Variants in ST6GALNAC3 observed in about 807,000 individuals in gnomAD.
ST6GALNAC3 encodes alpha-N-acetylgalactosaminide alpha-2,6-sialyltransferase 3.
Under a neutral mutation model 32.7 loss-of-function variants are expected in ST6GALNAC3, and 25 were observed. That is an observed-to-expected ratio of 0.76 (90% CI 0.56 to 1.07). The LOEUF (loss-of-function observed/expected upper bound fraction) is 1.07, where lower values mean the gene tolerates loss of function less well. ST6GALNAC3 is among the 50% of genes least tolerant of loss of function. The pLI, the probability that ST6GALNAC3 is intolerant of heterozygous loss-of-function variation, is 0.00. For missense variants in ST6GALNAC3, 355 were observed against 382.4 expected, an observed-to-expected ratio of 0.93 and a Z score of 0.60; for synonymous variants, 129 against 133.1, an observed-to-expected ratio of 0.97 and a Z score of 0.21.
intron 2 of ST6GALNAC3, among the ~76,000 whole-genome samples, chr1:76,407,559 G>A (rs1653920568): frequency 1.3e-5 from 2 of 152,032 alleles, no homozygotes; most frequent in South Asian, 2.1e-4. Context: ...CTGAATATTT[G>A]TGGTGCTCTC....
At chr1:76,291,196 AT>A (rs1158677131) in intron 1 of ST6GALNAC3, among the ~76,000 whole-genome samples, 2 of 152,222 alleles carry the variant, frequency 1.3e-5, no homozygotes, top group Non-Finnish European at 2.9e-5. Context: ...CTTCTTTTTG[AT>A]GAGCCTTCTT....
At chr1:76,623,250 T>C (rs893258273) in intron 3 of ST6GALNAC3, among the ~76,000 whole-genome samples, 5 of 151,816 alleles carry the variant, frequency 3.3e-5, no homozygotes, top group Non-Finnish European at 7.4e-5. Context: ...GCCAGTAAAT[T>C]TAAGTAGTTT....
intron 2 of ST6GALNAC3, chr1:76,354,200 C>A (rs2101030943): frequency 6.6e-6 from 1 of 152,508 alleles, no homozygotes; most frequent in East Asian, 1.9e-4. Context: ...CCAGTGAGGA[C>A]CAACCCAGTT....
intron 1 of ST6GALNAC3, among the ~76,000 whole-genome samples, chr1:76,141,806 T>C (rs1650344216): frequency 6.6e-6 from 1 of 152,146 alleles, no homozygotes; most frequent in African/African-American, 2.4e-5. Context: ...ATGACAACCA[T>C]TATGTAAGGA....
chr1:76,214,844 A>G (rs573193970), intron 1 of ST6GALNAC3, among the ~76,000 whole-genome samples: 1 of 152,280 alleles, frequency 6.6e-6, no homozygotes, highest in South Asian at 2.1e-4. Flanking sequence ...CAGTCATGAG[A>G]AGTAGCTGAC....
At chr1:76,210,871 C>G (rs1210226544) in intron 1 of ST6GALNAC3, among the ~76,000 whole-genome samples, 1 of 152,174 alleles carries the variant, frequency 6.6e-6, no homozygotes, top group Non-Finnish European at 1.5e-5. Context: ...CTCAGCCTCC[C>G]AAGTAGCTGG....
chr1:76,327,278 G>A (rs1000595943), intron 2 of ST6GALNAC3, among the ~76,000 whole-genome samples: 61 of 33,928 alleles, frequency 1.8e-3, no homozygotes, highest in Middle Eastern at 0.021. Flanking sequence ...ATATATGCGT[G>A]TGTGTGTGTG....
chr1:76,623,006 G>A (rs1648743177), intron 3 of ST6GALNAC3, among the ~76,000 whole-genome samples: 1 of 151,924 alleles, frequency 6.6e-6, no homozygotes, highest in South Asian at 2.1e-4. Context: ...GGCAAATGAA[G>A]GTTGCTGACA....
intron 1 of ST6GALNAC3, among the ~76,000 whole-genome samples, chr1:76,201,298 G>A (rs1224102438): frequency 6.6e-6 from 1 of 152,168 alleles, no homozygotes; most frequent in East Asian, 1.9e-4. Flanking sequence ...TGTCTTACAT[G>A]GTGGCAGGCA....
chr1:76,089,496 A>G (rs1423562578), intron 1 of ST6GALNAC3, among the ~76,000 whole-genome samples: 3 of 152,234 alleles, frequency 2.0e-5, no homozygotes, highest in African/African-American at 7.2e-5. Context: ...AAAATATGCT[A>G]AAGATATAAG....
intron 1 of ST6GALNAC3, among the ~76,000 whole-genome samples, chr1:76,176,275 G>T (rs1652846445): frequency 6.6e-6 from 1 of 152,182 alleles, no homozygotes; most frequent in Non-Finnish European, 1.5e-5. Flanking sequence ...AAAGCCCACT[G>T]CCCAGACGGC....
intron 3 of ST6GALNAC3, among the ~76,000 whole-genome samples, chr1:76,487,028 C>G (rs996955334): frequency 3.3e-5 from 5 of 152,034 alleles, no homozygotes; most frequent in East Asian, 1.9e-4. Flanking sequence ...GAAAATTCTT[C>G]TCTTTAAGAA....
intron 3 of ST6GALNAC3, among the ~76,000 whole-genome samples, chr1:76,415,523 T>C (rs1654559403): frequency 6.6e-6 from 1 of 152,030 alleles, no homozygotes; most frequent in Non-Finnish European, 1.5e-5. Flanking sequence ...TAAACATACT[T>C]GAAGTATTTT....
intron 3 of ST6GALNAC3, among the ~76,000 whole-genome samples, chr1:76,503,119 A>G (rs1432744567): frequency 6.6e-6 from 1 of 152,208 alleles, no homozygotes. Context: ...AAGCCATGAA[A>G]AGAATATAAG....
intron 3 of ST6GALNAC3, among the ~76,000 whole-genome samples, chr1:76,459,303 G>A (rs924287944): frequency 1.1e-4 from 16 of 152,166 alleles, no homozygotes; most frequent in African/African-American, 2.9e-4. Flanking sequence ...GGTGTCTCAC[G>A]CCTGTAATCC....
intron 1 of ST6GALNAC3, among the ~76,000 whole-genome samples, chr1:76,096,192 G>T (rs1271903634): frequency 6.6e-6 from 1 of 152,214 alleles, no homozygotes; most frequent in Admixed American, 6.5e-5. Flanking sequence ...CTCTTGAAAT[G>T]AGGTAGATGC....
chr1:76,208,107 G>C (rs1275192214), intron 1 of ST6GALNAC3, among the ~76,000 whole-genome samples: 3 of 88,706 alleles, frequency 3.4e-5, no homozygotes, highest in Non-Finnish European at 7.8e-5. Flanking sequence ...AGGGACTCAG[G>C]ATCCTGTAAC....
intron 3 of ST6GALNAC3, among the ~76,000 whole-genome samples, chr1:76,467,647 A>G (rs546792669): frequency 4.6e-5 from 7 of 152,106 alleles, no homozygotes; most frequent in Non-Finnish European, 7.4e-5. Context: ...AAACTTATCA[A>G]TAGTGGTTAT....
chr1:76,083,548 T>C (rs11803060), intron 1 of ST6GALNAC3, among the ~76,000 whole-genome samples: 15,469 of 152,258 alleles, frequency 0.1, 1,708 homozygotes, highest in African/African-American at 0.28. Context: ...GTGATTAATA[T>C]GAATAAAACA....
Sources: allele counts gnomAD v4.1 joint callset (sites outside exome capture counted in the v4.1 genomes callset), GRCh38; gene constraint gnomAD v4.1.1; transcripts MANE v1.5; gene names NCBI Gene and HGNC (gene_info 2026-07-23, HGNC 2026-07-21).